Variants in CSF1 observed in about 807,000 individuals in gnomAD.
CSF1 encodes the protein colony stimulating factor 1.
Under a neutral mutation model 48.9 loss-of-function variants are expected in CSF1, and 9 were observed. That is an observed-to-expected ratio of 0.18 (90% CI 0.11 to 0.32). The LOEUF (loss-of-function observed/expected upper bound fraction) is 0.32, where lower values mean the gene tolerates loss of function less well. Ranked by LOEUF, CSF1 falls within the 10% of genes least tolerant of loss-of-function variation. The pLI, the probability that CSF1 is intolerant of heterozygous loss-of-function variation, is 1.00. For missense variants in CSF1, 672 were observed against 697.9 expected (o/e 0.96, Z 0.42); for synonymous variants, 305 against 284.1 (o/e 1.07, Z -0.74).
In CSF1 at chr1:109,930,805, C is replaced by A. The variant is rs1038747537; in HGVS notation, c.*1967C>A. On this transcript the variant is annotated 3_prime_UTR_variant, in exon 9 of 9. Transcript: ENST00000329608. The stretch of plus-strand genomic sequence containing the variant: ...CCCCAGAGCCACCTCTGGTGTCCCC[C>A]CAGGCTACCTGCTCAGGAACCCCTT... 4 of 152,156 alleles carry A rather than the reference C, an allele frequency of 2.6e-5. No homozygotes were observed. Among genetic ancestry groups the A allele is most frequent in the African/African-American group, 9.7e-5 (4 of 41,426 alleles). 9.4% of individuals were successfully genotyped at this position (152,156 alleles called of 1,614,324 possible).
chr1:109,928,416 G>A (rs897900334), intron 8 of CSF1, among the ~76,000 whole-genome samples: 8 of 152,206 alleles, frequency 5.3e-5, no homozygotes, highest in Admixed American at 3.9e-4. Context: ...TGAAATGAAA[G>A]ATTCTTCTTT....
chr1:109,918,680 G>A (rs377063358), intron 4 of CSF1, among the ~76,000 whole-genome samples: 18 of 152,272 alleles, frequency 1.2e-4, no homozygotes, highest in African/African-American at 3.4e-4. Context: ...ATGCTGAAAC[G>A]GGGATGATCC....
In CSF1 at chr1:109,915,735, G is replaced by A. The variant is rs541956955; in HGVS notation, c.225+39G>A. ...TTTTACAAAATCCATGCACCAGCCT[G>A]CATGCAACTCCCAGGGTGGGGTGTG... On this transcript the variant is annotated intron_variant, in intron 3 of 8. Transcript: ENST00000329608. 3.3e-6 allele frequency: 5 copies of A among 1,526,530 alleles called. No homozygotes were observed. In the African/African-American group the frequency reaches 6.8e-5, roughly 21 times the overall value. The allele number at this position is 1,526,530 out of a possible 1,614,324, so 94.6% of individuals were successfully genotyped here. A position where few individuals can be genotyped will look rare whatever the true frequency, so the allele number is the denominator to read the frequency against.
At position 109,910,920 on chromosome 1, in the gene CSF1, G is replaced by T. The variant is rs1654649495; in HGVS notation, c.-104G>T. 5 of 870,888 alleles carry T rather than the reference G, an allele frequency of 5.7e-6. No homozygotes were observed. The South Asian group carries it at 1.9e-4, about 33-fold the overall frequency. 53.9% of individuals were successfully genotyped at this position (870,888 alleles called of 1,614,324 possible). A position where few individuals can be genotyped will look rare whatever the true frequency, so the allele number is the denominator to read the frequency against. On this transcript the variant is annotated 5_prime_UTR_variant, in exon 1 of 9. Coordinates refer to ENST00000329608, the MANE Select transcript of CSF1 (RefSeq NM_000757.6). ...GCCAGAGCCGCTCTCCGCATCCCAG[G>T]ACAGCGGTGCGGCCCTCGGCCGGGG...
At position 109,924,784 on chromosome 1, in the gene CSF1, A is replaced by G. The variant is rs555406186; in HGVS notation, c.1578A>G (p.Gln526=). ...CTCTTTCCTGTCCTCAGAGCCATCA[A>G]GAGCCTCAGAGAGCGGATTCTCCCT... is the stretch of plus-strand genomic sequence containing the variant. ...LFYRWRRRSH[Q]EPQRADSPLE... Residue 526 remains glutamine (Q), a synonymous_variant, in exon 7 of 9, where the codon CAA becomes CAG. Transcript: ENST00000329608. The G allele has an allele frequency of 3.1e-6, 5 of 1,595,078 alleles. No homozygotes were observed. In the South Asian group the frequency reaches 5.7e-5, roughly 18 times the overall value.
At position 109,925,808 on chromosome 1, in the gene CSF1, G is replaced by A. The variant is rs188639010; in HGVS notation, c.*13+606G>A. On this transcript the variant is annotated intron_variant, in intron 8 of 8. Transcript: ENST00000329608. The stretch of plus-strand genomic sequence containing the variant: ...TCCCCAACAGGGAGCCAGCCAGCTG[G>A]CTGTCACACACTCCCAGATCCAGCC... 3.2e-4 allele frequency among the ~76,000 whole-genome samples: 49 copies of A among 152,218 alleles called. No individual in the cohort carries two copies. The South Asian group carries it at 4.4e-3, about 14-fold the overall frequency.
At chr1:109,912,292 G>T (rs1654723591) in intron 1 of CSF1, among the ~76,000 whole-genome samples, 1 of 152,120 alleles carries the variant, frequency 6.6e-6, no homozygotes, top group Non-Finnish European at 1.5e-5. Flanking sequence ...GGGGGAAGAT[G>T]AAATGGAATA....
rs1268624312 is a variant in CSF1 at position 109,924,118 on chromosome 1, C to T, written c.1497C>T (p.His499=). 1.2e-6 allele frequency: 2 copies of T among 1,614,188 alleles called. No individual in the cohort carries two copies. The highest frequency in any genetic ancestry group is 1.1e-5 in the South Asian group (1 of 91,088). Residue 499 remains histidine (H), a synonymous_variant, in exon 6 of 9, where the codon CAC becomes CAT. Transcript: ENST00000329608. ...FSPQLQESVF[H]LLVPSVILVL... ...CGCAGCTCCAGGAGTCTGTCTTCCA[C>T]CTGCTGGTGCCCAGTGTCATCCTGG...
rs1338199048 is a variant in CSF1, at chr1:109,910,968, G to A, written c.-56G>A. On this transcript the variant is annotated 5_prime_UTR_variant, in exon 1 of 9. Transcript: ENST00000329608. ...GGGCGCCCACTCCGCAGCAGCCAGC[G>A]AGCGAGCGAGCGAGCGAGGGCGGCC... 4.7e-6 allele frequency: 5 copies of A among 1,067,432 alleles called. No individual in the cohort carries two copies. Among genetic ancestry groups the A allele is most frequent in the Middle Eastern group, 3.9e-4 (1 of 2,566 alleles). 66.1% of individuals were successfully genotyped at this position (1,067,432 alleles called of 1,614,324 possible).
chr1:109,914,717 C>T (rs183018541), intron 2 of CSF1, among the ~76,000 whole-genome samples: 1 of 152,350 alleles, frequency 6.6e-6, no homozygotes, highest in East Asian at 1.9e-4. Flanking sequence ...TGGGATGCCT[C>T]CTCTGGGAAG....
chr1:109,927,203 C>T (rs918281771), intron 8 of CSF1, among the ~76,000 whole-genome samples: 6 of 152,272 alleles, frequency 3.9e-5, no homozygotes, highest in Non-Finnish European at 7.3e-5. Context: ...TTTCCAGTCA[C>T]ATCCTTTACC....
intron 1 of CSF1, among the ~76,000 whole-genome samples, chr1:109,911,771 G>C (rs1289656847): frequency 1.3e-5 from 2 of 152,212 alleles, no homozygotes; most frequent in Non-Finnish European, 2.9e-5. Context: ...GCTTTGTGGT[G>C]GTTTATGGTG....
At chr1:109,921,458 C>G (rs1647536085) in intron 4 of CSF1, among the ~76,000 whole-genome samples, 1 of 152,232 alleles carries the variant, frequency 6.6e-6, no homozygotes, top group Non-Finnish European at 1.5e-5. Flanking sequence ...TCCCTGAACA[C>G]TTGTTTAGTT....
chr1:109,925,309 C>T (rs1647796740), intron 8 of CSF1, 107 bp downstream of exon 8: 3 of 885,510 alleles, frequency 3.4e-6, no homozygotes. Flanking sequence ...ACACTGACTC[C>T]CATGCCTCTC....
chr1:109,910,899 G>A lies in CSF1; in HGVS notation c.-125G>A. On this transcript the variant is annotated 5_prime_UTR_variant, in exon 1 of 9. Transcript: ENST00000329608. ...GTTTGCCTGGGTCCTCTCGGCGCCAGAGCCGCTCTCCGCATCCCAGGACAG... is the reference window on the plus strand; with the variant it reads ...GTTTGCCTGGGTCCTCTCGGCGCCAAAGCCGCTCTCCGCATCCCAGGACAG... 1.5e-6 allele frequency: 1 copy of A among 674,820 alleles called. No homozygotes were observed. The highest frequency in any genetic ancestry group is 1.9e-6 in the Non-Finnish European group (1 of 521,608). The allele number at this position is 674,820 out of a possible 1,614,324, so 41.8% of individuals were successfully genotyped here. A position where few individuals can be genotyped will look rare whatever the true frequency, so the allele number is the denominator to read the frequency against.
Position 109,923,946 on chromosome 1 carries a change from G to A in CSF1, c.1325G>A (p.Gly442Asp). 1 of 1,614,204 alleles carries A rather than the reference G, an allele frequency of 6.2e-7. No homozygotes were observed. The change falls in exon 6 of 9, where the codon GGC (glycine) becomes GAC (aspartate). Residue 442 changes from glycine to aspartate, a missense_variant. Physicochemically the swap from Gly to Asp is moderately conservative, Grantham distance 94. Transcript: ENST00000329608. ...GTGCTGCCCCTTGGGGAGCTGGAGG[G>A]CAGGAGGAGCACCAGGGATCGGAGG... is the stretch of plus-strand genomic sequence containing the variant. ...GSVLPLGELE[G>D]RRSTRDRRSP...
At chr1:109,922,082 C>T (rs1433679595) in intron 5 of CSF1, 88 bp downstream of exon 5, 23 of 1,467,088 alleles carry the variant, frequency 1.6e-5, no homozygotes, top group Non-Finnish European at 1.9e-5. Context: ...GGGGGGACCC[C>T]TGGGGAGGCA....
intron 4 of CSF1, among the ~76,000 whole-genome samples, chr1:109,919,453 T>A (rs1041834215): frequency 2.0e-5 from 3 of 152,148 alleles, no homozygotes; most frequent in Non-Finnish European, 4.4e-5. Flanking sequence ...GGTCTCAAAC[T>A]CCCAGGCTCA....
At chr1:109,924,856 G>GGCACT in intron 7 of CSF1, 28 bp downstream of exon 7, 2 of 1,598,000 alleles carry the variant, frequency 1.3e-6, no homozygotes, top group Non-Finnish European at 1.7e-6. Flanking sequence ...GGCTCTGGGA[G>GGCACT]GCACTGGGGG....
Sources: gnomAD v4.1 joint callset for allele counts (sites outside exome capture counted in the v4.1 genomes callset) on GRCh38, gnomAD v4.1.1 for gene constraint, MANE v1.5 for transcripts, NCBI Gene and HGNC (gene_info 2026-07-23, HGNC 2026-07-21) for gene names.